PDE4D: variants seen among roughly 807,000 people sequenced by gnomAD.
PDE4D encodes phosphodiesterase 4D.
Under a neutral mutation model 87.4 loss-of-function variants are expected in PDE4D, and 24 were observed. The ratio of observed to expected loss-of-function variants is 0.27; its 90% CI spans 0.20 to 0.39. The LOEUF is 0.39. Among genes scored for constraint, PDE4D ranks in the 10% least tolerant of loss-of-function variants. The probability of loss-of-function intolerance (pLI) is 1.00; values close to 1 mark genes in which losing one functional copy is unlikely to be tolerated. For missense variants in PDE4D, 714 were observed against 1,041.0 expected (o/e 0.69, Z 4.32); for synonymous variants, 384 against 383.2 (o/e 1.00, Z -0.02).
chr5:58,999,866 TA>T (rs1179674416), intron 6 of PDE4D: 35 of 986,994 alleles, frequency 3.5e-5, no homozygotes, highest in Non-Finnish European at 4.2e-5. Flanking sequence ...GCTTAATGAA[TA>T]ATGTATGTCA....
At chr5:59,166,309 C>G (rs997855614) in intron 5 of PDE4D, 2 of 152,192 alleles carry the variant, frequency 1.3e-5, no homozygotes, top group Non-Finnish European at 2.9e-5. Flanking sequence ...CTCTGCTGCC[C>G]TTTCTGTGGA....
At chr5:58,989,723 T>TA in intron 10 of PDE4D, 32 bp downstream of exon 10, 1 of 1,479,956 alleles carries the variant, frequency 6.8e-7, no homozygotes, top group Non-Finnish European at 9.2e-7. Context: ...AGTGGCAAGT[T>TA]AGTGTTCTTG....
chr5:60,021,110 A>G (rs1766020924), intron 2 of PDE4D: 1 of 152,210 alleles, frequency 6.6e-6, no homozygotes, highest in South Asian at 2.1e-4. Flanking sequence ...AAAGATAGAT[A>G]GGAAAGGGGG....
Position 58,974,494 on chromosome 5 carries a change from A to C in PDE4D, c.*170T>G. The C allele has an allele frequency of 2.1e-6, 1 of 482,840 alleles. No individual in the cohort carries two copies. Among genetic ancestry groups the C allele is most frequent in the Middle Eastern group, 4.8e-4 (1 of 2,078 alleles). The allele number at this position is 482,840 out of a possible 1,614,324, so 29.9% of individuals were successfully genotyped here. ...TGCTCGGATGACATGGAGGTGAAAA[A>C]ACTGGTTACGATATTCCTGAGCGCT... is the stretch of plus-strand genomic sequence containing the variant. On this transcript the variant is annotated 3_prime_UTR_variant, in exon 15 of 15. Coordinates refer to ENST00000340635, the MANE Select transcript of PDE4D (RefSeq NM_001104631.2).
At chr5:59,155,696 G>A (rs150692140) in intron 5 of PDE4D, among the ~76,000 whole-genome samples, 1 of 152,208 alleles carries the variant, frequency 6.6e-6, no homozygotes, top group African/African-American at 2.4e-5. Flanking sequence ...GAGATAGAAA[G>A]GAAAACAGAC....
intron 13 of PDE4D, 24 bp downstream of exon 13, chr5:58,976,326 G>A (rs181128611): frequency 9.9e-6 from 16 of 1,610,500 alleles, no homozygotes; most frequent in Non-Finnish European, 1.3e-5. Flanking sequence ...CACACACACA[G>A]AGCAAACTCA....
intron 2 of PDE4D, among the ~76,000 whole-genome samples, chr5:60,109,297 A>G (rs1200386764): frequency 1.3e-5 from 2 of 152,248 alleles, no homozygotes; most frequent in Non-Finnish European, 2.9e-5. Context: ...AATGCAAATC[A>G]AAACCACAAT....
chr5:59,682,829 C>A (rs1490342498), intron 1 of PDE4D, among the ~76,000 whole-genome samples: 1 of 152,058 alleles, frequency 6.6e-6, no homozygotes, highest in Admixed American at 6.6e-5. Context: ...GTTATAGCAG[C>A]CCAAATAAAT....
chr5:60,062,304 G>T (rs1348600015), intron 2 of PDE4D, among the ~76,000 whole-genome samples: 1 of 151,674 alleles, frequency 6.6e-6, no homozygotes, highest in Non-Finnish European at 1.5e-5. Context: ...ACAAACATAT[G>T]AAAAAAAAGC....
chr5:59,664,698 C>A (rs1745782209), intron 1 of PDE4D, among the ~76,000 whole-genome samples: 1 of 152,016 alleles, frequency 6.6e-6, no homozygotes, highest in Non-Finnish European at 1.5e-5. Context: ...GAGCTCAGTG[C>A]CTAAATCTCA....
chr5:59,715,414 G>A (rs1418039396), intron 1 of PDE4D, among the ~76,000 whole-genome samples: 5 of 152,198 alleles, frequency 3.3e-5, no homozygotes, highest in African/African-American at 1.2e-4. Flanking sequence ...GATGGGGCAC[G>A]GTACACAGAT....
At chr5:60,501,274 G>C (rs1479887259) in intron 1 of PDE4D, among the ~76,000 whole-genome samples, 1 of 151,980 alleles carries the variant, frequency 6.6e-6, no homozygotes, top group African/African-American at 2.4e-5. Context: ...TCTTGCGATA[G>C]TTTACTGAGA....
intron 1 of PDE4D, among the ~76,000 whole-genome samples, chr5:59,582,150 A>G (rs1824273059): frequency 6.6e-6 from 1 of 152,156 alleles, no homozygotes; most frequent in Non-Finnish European, 1.5e-5. Flanking sequence ...AAGGTCAGCT[A>G]TTACCTGCAA....
chr5:60,047,501 A>T (rs200377922), intron 2 of PDE4D, among the ~76,000 whole-genome samples: 6 of 151,278 alleles, frequency 4.0e-5, no homozygotes, highest in South Asian at 2.1e-4. Flanking sequence ...TCTTGTGGGC[A>T]TTTAGTGCTA....
chr5:59,916,725 T>A (rs1302676521), intron 3 of PDE4D, among the ~76,000 whole-genome samples: 2 of 152,176 alleles, frequency 1.3e-5, no homozygotes, highest in African/African-American at 4.8e-5. Flanking sequence ...TAAATACTTT[T>A]AAGAGTCACA....
chr5:60,321,246 C>G, intron 1 of PDE4D, among the ~76,000 whole-genome samples: 1 of 152,116 alleles, frequency 6.6e-6, no homozygotes, highest in East Asian at 1.9e-4. Flanking sequence ...TAATACCACC[C>G]ACGTAAAATC....
At chr5:59,785,667 A>C (rs1765095843) in intron 1 of PDE4D, among the ~76,000 whole-genome samples, 1 of 152,240 alleles carries the variant, frequency 6.6e-6, no homozygotes, top group Non-Finnish European at 1.5e-5. Context: ...AATTTGCAAT[A>C]GCTCTGATAA....
At chr5:59,785,133 C>T (rs1403005463) in intron 1 of PDE4D, among the ~76,000 whole-genome samples, 1 of 152,080 alleles carries the variant, frequency 6.6e-6, no homozygotes, top group Non-Finnish European at 1.5e-5. Flanking sequence ...AAATCCTGGC[C>T]TCAAAACTGA....
At chr5:58,993,878 A>C (rs1748524965) in intron 6 of PDE4D, among the ~76,000 whole-genome samples, 1 of 152,198 alleles carries the variant, frequency 6.6e-6, no homozygotes, top group East Asian at 1.9e-4. Context: ...ATGTATTATT[A>C]GTTATTTAGA....
Sources: gnomAD v4.1 joint callset for allele counts (sites outside exome capture counted in the v4.1 genomes callset) on GRCh38, gnomAD v4.1.1 for gene constraint, MANE v1.5 for transcripts, NCBI Gene and HGNC (gene_info 2026-07-23, HGNC 2026-07-21) for gene names.